Variants in ARHGEF17 observed in about 807,000 individuals in gnomAD.
ARHGEF17 encodes the protein Rho guanine nucleotide exchange factor 17.
ARHGEF17 carries 80 observed loss-of-function variants against 174.0 expected under a neutral mutation model. The ratio of observed to expected loss-of-function variants is 0.46; its 90% CI spans 0.38 to 0.55. The LOEUF is 0.55. Among genes scored for constraint, ARHGEF17 ranks in the 20% least tolerant of loss-of-function variants. The pLI is 0.00. For synonymous variants in ARHGEF17, 1,311 were observed against 1,189.1 expected (o/e 1.10, Z -2.11); for missense variants, 2,886 against 2,839.7 (o/e 1.02, Z -0.37).
chr11:73,341,512 A>T (rs926451860), intron 1 of ARHGEF17, among the ~76,000 whole-genome samples: 2 of 151,660 alleles, frequency 1.3e-5, no homozygotes, highest in Admixed American at 6.6e-5. Flanking sequence ...GGGTTTCTCC[A>T]TATTGGTCAG....
Position 73,311,844 on chromosome 11 carries a change from AGGGGCCTTCAGATT to A in ARHGEF17, c.3192+21_3192+34del. ...AAGCCACAGGTGGTGAGTCCTTTGT[AGGGGCCTTCAGATT>A]GGGGCCAAAGAAGGGCCATGGGCAC... On this transcript the variant is annotated intron_variant, in intron 1 of 20. Transcript: ENST00000263674. 6.3e-7 allele frequency: 1 copy of A among 1,578,134 alleles called. No homozygotes were observed. Among genetic ancestry groups the A allele is most frequent in the South Asian group, 1.1e-5 (1 of 87,850 alleles).
chr11:73,314,688 G>T (rs917645882), intron 1 of ARHGEF17, among the ~76,000 whole-genome samples: 1 of 152,184 alleles, frequency 6.6e-6, no homozygotes, highest in Admixed American at 6.5e-5. Context: ...TTCCAGGAAT[G>T]CCTGTCTGTG....
At chr11:73,339,970 C>A (rs1192408679) in intron 1 of ARHGEF17, among the ~76,000 whole-genome samples, 1 of 152,184 alleles carries the variant, frequency 6.6e-6, no homozygotes, top group Non-Finnish European at 1.5e-5. Context: ...TTCTATACAA[C>A]TGCACATACC....
At chr11:73,356,501 T>C in intron 6 of ARHGEF17, 150 bp downstream of exon 6, 1 of 1,163,040 alleles carries the variant, frequency 8.6e-7, no homozygotes, top group Non-Finnish European at 1.2e-6. Context: ...CCAGCCTCTG[T>C]GGCCACACGT....
intron 1 of ARHGEF17, among the ~76,000 whole-genome samples, chr11:73,327,010 C>G (rs1254166159): frequency 2.0e-5 from 3 of 152,228 alleles, no homozygotes; most frequent in Non-Finnish European, 4.4e-5. Flanking sequence ...GGCAACCAGC[C>G]AGGCTCCCTG....
intron 1 of ARHGEF17, among the ~76,000 whole-genome samples, chr11:73,345,356 C>T (rs1865442995): frequency 6.6e-6 from 1 of 152,106 alleles, no homozygotes; most frequent in Non-Finnish European, 1.5e-5. Context: ...CTCCCTGCCC[C>T]AAGGGGTGTC....
chr11:73,332,336 C>A (rs1865218271), intron 1 of ARHGEF17, among the ~76,000 whole-genome samples: 1 of 146,788 alleles, frequency 6.8e-6, no homozygotes, highest in African/African-American at 2.6e-5. Flanking sequence ...ATATTTCCCT[C>A]CAGGCTTTTT....
Position 73,367,953 on chromosome 11 carries a change from G to C in ARHGEF17, c.*173G>C, listed in dbSNP as rs939368212. 1.5e-6 allele frequency: 1 copy of C among 679,908 alleles called. No individual in the cohort carries two copies. Among genetic ancestry groups the C allele is most frequent in the African/African-American group, 1.8e-5 (1 of 55,438 alleles). The allele number at this position is 679,908 out of a possible 1,614,324, so 42.1% of individuals were successfully genotyped here. On this transcript the variant is annotated 3_prime_UTR_variant, in exon 21 of 21. Coordinates refer to ENST00000263674, the MANE Select transcript of ARHGEF17 (RefSeq NM_014786.4). Reference sequence around the variant, plus strand: ...TTCCTGATGGAACACCCACTGGCCAGCCAGGCCATGGCTTCTCCCGACCCT... The same window carrying C: ...TTCCTGATGGAACACCCACTGGCCACCCAGGCCATGGCTTCTCCCGACCCT...
In ARHGEF17 at chr11:73,308,512, G is replaced by T; in HGVS notation, c.-127G>T. 1 of 829,694 alleles carries T rather than the reference G, an allele frequency of 1.2e-6. No individual in the cohort carries two copies. Among genetic ancestry groups the T allele is most frequent in the Non-Finnish European group, 1.7e-6 (1 of 593,498 alleles). 51.4% of individuals were successfully genotyped at this position (829,694 alleles called of 1,614,324 possible). ...CAGAGAAACCTCTGCTCCGGTCTCT[G>T]CGTCCTCTTCCCACACTCCCGTGCG... On this transcript the variant is annotated 5_prime_UTR_variant, in exon 1 of 21. Coordinates refer to ENST00000263674, the MANE Select transcript of ARHGEF17 (RefSeq NM_014786.4).
rs371706401 is a variant in ARHGEF17 at position 73,311,023 on chromosome 11, A to T, written c.2385A>T (p.Gly795=). The T allele has an allele frequency of 2.2e-5, 36 of 1,613,920 alleles. No individual in the cohort carries two copies. The highest frequency in any genetic ancestry group is 2.9e-5 in the Non-Finnish European group (34 of 1,180,002). ...DWSVGSEESK[G]YQEVIQSIVQ... ...CTGTGGGCAGTGAAGAGAGCAAGGG[A>T]TATCAGGAGGTTATTCAGAGCATAG... The change falls in exon 1 of 21, where the codon GGA becomes GGT. Residue 795 remains glycine, a synonymous_variant. Transcript: ENST00000263674.
rs1445318587 is a variant in ARHGEF17, at chr11:73,311,890, C to T, written c.3192+60C>T. ...AAAGAAGGGCCATGGGCACCGACTT[C>T]GGTTGGAGCCTTTTGCATTGTATTC... On this transcript the variant is annotated intron_variant, in intron 1 of 20. Coordinates refer to ENST00000263674, the MANE Select transcript of ARHGEF17 (RefSeq NM_014786.4). 4.3e-5 allele frequency: 66 copies of T among 1,517,406 alleles called. 1 individual carries two copies. The Admixed American group carries it at 1.2e-3, about 26-fold the overall frequency. The allele number at this position is 1,517,406 out of a possible 1,614,324, so 94.0% of individuals were successfully genotyped here.
At chr11:73,333,935 A>T (rs1865248575) in intron 1 of ARHGEF17, among the ~76,000 whole-genome samples, 1 of 152,204 alleles carries the variant, frequency 6.6e-6, no homozygotes. Context: ...TTGAACATGG[A>T]CATTCTAAAC....
chr11:73,347,180 C>A, intron 2 of ARHGEF17: 1 of 658,378 alleles, frequency 1.5e-6, no homozygotes, highest in Non-Finnish European at 2.8e-6. Flanking sequence ...CAGGCCACCC[C>A]AGGGCAGGCG....
At position 73,363,658 on chromosome 11, in the gene ARHGEF17, C is replaced by T. The variant is rs893014079; in HGVS notation, c.5247-89C>T. On this transcript the variant is annotated intron_variant, in intron 15 of 20. Coordinates refer to ENST00000263674, the MANE Select transcript of ARHGEF17 (RefSeq NM_014786.4). ...TTGGGCAGGCACCCAGCATTGAAGACGTGGTGCTAGGGGCAAAGAGGTGGA... is the reference window on the plus strand; with the variant it reads ...TTGGGCAGGCACCCAGCATTGAAGATGTGGTGCTAGGGGCAAAGAGGTGGA... The T allele has an allele frequency of 8.4e-6, 13 of 1,546,202 alleles. No individual in the cohort carries two copies. The East Asian group carries it at 1.6e-4, about 19-fold the overall frequency.
intron 1 of ARHGEF17, among the ~76,000 whole-genome samples, chr11:73,322,970 C>G (rs776667135): frequency 1.7e-4 from 26 of 152,110 alleles, no homozygotes; most frequent in Non-Finnish European, 3.2e-4. Flanking sequence ...AATTTAGGTT[C>G]AGGGGTTATA....
intron 1 of ARHGEF17, among the ~76,000 whole-genome samples, chr11:73,317,143 T>G (rs1429891101): frequency 6.6e-6 from 1 of 152,062 alleles, no homozygotes; most frequent in Non-Finnish European, 1.5e-5. Context: ...AGACCCACAT[T>G]GGCTTGGCTG....
At position 73,362,255 on chromosome 11, in the gene ARHGEF17, C is replaced by T. The variant is rs1468303128; in HGVS notation, c.4694+16C>T. The T allele has an allele frequency of 8.0e-6, 12 of 1,499,574 alleles. No homozygotes were observed. Among genetic ancestry groups the T allele is most frequent in the Middle Eastern group, 2.2e-4 (1 of 4,456 alleles). The allele number at this position is 1,499,574 out of a possible 1,614,324, so 92.9% of individuals were successfully genotyped here. ...GCTGCCACCGGTGAGGCCTGGGCGG[C>T]GGGGTGGGCGGCACCGCGGGCCTGG... is the stretch of plus-strand genomic sequence containing the variant. On this transcript the variant is annotated intron_variant, in intron 13 of 20. Coordinates refer to ENST00000263674, the MANE Select transcript of ARHGEF17 (RefSeq NM_014786.4).
rs1285045086 is a variant in ARHGEF17 at position 73,363,188 on chromosome 11, G to A, written c.4997-18G>A. 1.3e-6 allele frequency: 2 copies of A among 1,520,724 alleles called. No individual in the cohort carries two copies. The highest frequency in any genetic ancestry group is 2.3e-5 in the East Asian group (1 of 43,188). 94.2% of individuals were successfully genotyped at this position (1,520,724 alleles called of 1,614,324 possible). ...CCTGGCAGAGGGAAATGGAGACAGA[G>A]ACCTTTGTCTCCCTCAGATGAGGAG... On this transcript the variant is annotated intron_variant, in intron 14 of 20. Transcript: ENST00000263674.
intron 1 of ARHGEF17, among the ~76,000 whole-genome samples, chr11:73,322,560 T>C (rs927873823): frequency 6.6e-6 from 1 of 152,168 alleles, no homozygotes; most frequent in African/African-American, 2.4e-5. Flanking sequence ...TGCAGTGACG[T>C]GGTTCACCTG....
Sources: allele counts gnomAD v4.1 joint callset (sites outside exome capture counted in the v4.1 genomes callset), GRCh38; gene constraint gnomAD v4.1.1; transcripts MANE v1.5; gene names NCBI Gene and HGNC (gene_info 2026-07-23, HGNC 2026-07-21).